ADAM17: variants seen among roughly 807,000 people sequenced by gnomAD.
The protein encoded by ADAM17 is ADAM metallopeptidase domain 17, also known as disintegrin and metalloproteinase domain-containing protein 17.
In ADAM17, 39 loss-of-function variants were observed where a neutral mutation model predicts 96.7. That is an observed-to-expected ratio of 0.40 (90% CI 0.31 to 0.53). The LOEUF (loss-of-function observed/expected upper bound fraction) is 0.53, where lower values mean the gene tolerates loss of function less well. Among genes scored for constraint, ADAM17 ranks in the 20% least tolerant of loss-of-function variants. ADAM17 has a pLI of 0.44. For missense variants in ADAM17, 777 were observed against 1,013.2 expected (o/e 0.77, Z 3.17); for synonymous variants, 344 against 359.2 (o/e 0.96, Z 0.48).
rs749050766 is a variant in ADAM17 at position 9,493,810 on chromosome 2, G to A, written c.1930C>T (p.Arg644Ter). The change falls in exon 16 of 19, where the codon CGA becomes TGA. Residue 644 changes from arginine (R) to a stop codon, truncating the protein, a stop_gained. Coordinates refer to ENST00000310823, the MANE Select transcript of ADAM17 (RefSeq NM_003183.6). LOFTEE classifies it high-confidence loss of function. ...AATCGTTCAATTACATCCTGTACTC[G>A]TTTCTCACATTTGCCCTATGAAGAA... is the stretch of plus-strand genomic sequence containing the variant. Reference protein sequence around the residue: ...FCDMNGKCEKRVQDVIERFWD... With the variant: ...FCDMNGKCEK 6.8e-6 allele frequency: 11 copies of A among 1,613,736 alleles called. No individual in the cohort carries two copies. The highest frequency in any genetic ancestry group is 9.3e-6 in the Non-Finnish European group (11 of 1,179,844).
At chr2:9,555,116 T>C (rs1355951927) in intron 1 of ADAM17, among the ~76,000 whole-genome samples, 2 of 152,148 alleles carry the variant, frequency 1.3e-5, no homozygotes, top group Non-Finnish European at 2.9e-5. Context: ...CCTTCCTTTC[T>C]GGCTCTGGTA....
At chr2:9,517,517 C>T (rs560103690) in intron 10 of ADAM17, among the ~76,000 whole-genome samples, 1 of 152,288 alleles carries the variant, frequency 6.6e-6, no homozygotes, top group South Asian at 2.1e-4. Flanking sequence ...AGATACACTA[C>T]ACCAAAATGA....
intron 10 of ADAM17, among the ~76,000 whole-genome samples, chr2:9,511,659 T>C (rs1663751458): frequency 6.6e-6 from 1 of 152,132 alleles, no homozygotes; most frequent in African/African-American, 2.4e-5. Context: ...TTTTTTTCCA[T>C]ATTTATCTGA....
intron 4 of ADAM17, among the ~76,000 whole-genome samples, chr2:9,529,902 C>G (rs1044017572): frequency 2.0e-5 from 3 of 151,728 alleles, no homozygotes; most frequent in Non-Finnish European, 4.4e-5. Context: ...ACCCAGGAGG[C>G]AGAGGTTGCA....
At chr2:9,491,247 C>T in intron 17 of ADAM17, 96 bp from the exon 18 acceptor site, 1 of 1,142,136 alleles carries the variant, frequency 8.8e-7, no homozygotes, top group Non-Finnish European at 1.3e-6. Flanking sequence ...AACTGAAGAA[C>T]TTAGAACCTG....
intron 7 of ADAM17, among the ~76,000 whole-genome samples, chr2:9,522,713 G>A (rs1009236407): frequency 1.3e-5 from 2 of 152,036 alleles, no homozygotes; most frequent in African/African-American, 2.4e-5. Context: ...TTTTTAATTA[G>A]TCCTAGCAAT....
chr2:9,500,398 G>A (rs535252601), intron 13 of ADAM17, among the ~76,000 whole-genome samples: 2 of 152,342 alleles, frequency 1.3e-5, no homozygotes, highest in Non-Finnish European at 2.9e-5. Context: ...GCTCTGAGTT[G>A]TGGGGAATGG....
At chr2:9,532,909 A>G (rs1664805372) in intron 4 of ADAM17, among the ~76,000 whole-genome samples, 1 of 152,178 alleles carries the variant, frequency 6.6e-6, no homozygotes, top group Admixed American at 6.5e-5. Context: ...TGAGTAATCT[A>G]GCTGGGCGTG....
At chr2:9,553,350 C>T (rs1665638760) in intron 1 of ADAM17, among the ~76,000 whole-genome samples, 1 of 151,274 alleles carries the variant, frequency 6.6e-6, no homozygotes, top group African/African-American at 2.4e-5. Context: ...ACGTATAATA[C>T]TTGTGTGTCC....
intron 10 of ADAM17, among the ~76,000 whole-genome samples, chr2:9,517,632 G>A (rs1165340666): frequency 6.6e-6 from 1 of 152,154 alleles, no homozygotes; most frequent in Non-Finnish European, 1.5e-5. Flanking sequence ...AGCTCTAAGA[G>A]TTGCTGCAGG....
At chr2:9,508,200 C>T (rs1298298985) in intron 11 of ADAM17, among the ~76,000 whole-genome samples, 2 of 152,214 alleles carry the variant, frequency 1.3e-5, no homozygotes, top group Non-Finnish European at 2.9e-5. Context: ...TAGCCACCAA[C>T]CATATGTGGC....
In ADAM17 at chr2:9,490,073, C is replaced by G. The variant is rs1483788186; in HGVS notation, c.*104G>C. 1 of 1,116,446 alleles carries G rather than the reference C, an allele frequency of 9.0e-7. No individual in the cohort carries two copies. Among genetic ancestry groups the G allele is most frequent in the Non-Finnish European group, 1.3e-6 (1 of 798,006 alleles). 69.2% of individuals were successfully genotyped at this position (1,116,446 alleles called of 1,614,324 possible). A position where few individuals can be genotyped will look rare whatever the true frequency, so the allele number is the denominator to read the frequency against. On this transcript the variant is annotated 3_prime_UTR_variant, in exon 19 of 19. Transcript: ENST00000310823. ...AGTTCAAACACATGACCAGCATCTG[C>G]TAAGTCACTTCCCAGTCTTCACAAA...
At chr2:9,548,482 TA>T (rs754054511) in intron 1 of ADAM17, among the ~76,000 whole-genome samples, 467 of 138,352 alleles carry the variant, frequency 3.4e-3, no homozygotes, top group Admixed American at 3.3e-3. Context: ...TCACTGTGAT[TA>T]AAAAAAAAAA....
chr2:9,504,082 T>G (rs1663210974), intron 12 of ADAM17, among the ~76,000 whole-genome samples: 1 of 150,908 alleles, frequency 6.6e-6, no homozygotes, highest in African/African-American at 2.4e-5. Flanking sequence ...GCCTGGGAGG[T>G]TGAGGCTGCA....
intron 1 of ADAM17, among the ~76,000 whole-genome samples, chr2:9,543,781 G>A (rs1018552628): frequency 6.6e-6 from 1 of 152,106 alleles, no homozygotes; most frequent in African/African-American, 2.4e-5. Context: ...AAGTGGGAGT[G>A]GTGGAGATGA....
At chr2:9,533,874 A>G (rs1482522881) in intron 4 of ADAM17, among the ~76,000 whole-genome samples, 1 of 152,194 alleles carries the variant, frequency 6.6e-6, no homozygotes, top group Non-Finnish European at 1.5e-5. Flanking sequence ...GGAGAGTAAG[A>G]AAAAACTTTG....
At chr2:9,537,471 C>T (rs974256192) in intron 2 of ADAM17, among the ~76,000 whole-genome samples, 3 of 152,202 alleles carry the variant, frequency 2.0e-5, no homozygotes, top group Non-Finnish European at 2.9e-5. Context: ...TAGTGGCTCA[C>T]GCCTGTAATC....
chr2:9,550,631 A>G (rs975675914), intron 1 of ADAM17, among the ~76,000 whole-genome samples: 1 of 151,476 alleles, frequency 6.6e-6, no homozygotes, highest in Non-Finnish European at 1.5e-5. Context: ...TTTTTAGTAG[A>G]GACAGGTTTC....
At position 9,505,179 on chromosome 2, in the gene ADAM17, C is replaced by T. The variant is rs554069834; in HGVS notation, c.1531G>A (p.Gly511Ser). 1.1e-4 allele frequency: 185 copies of T among 1,614,222 alleles called. No individual in the cohort carries two copies. Among genetic ancestry groups the T allele is most frequent in the Non-Finnish European group, 1.5e-4 (180 of 1,180,042 alleles). Residue 511 changes from glycine (G) to serine (S), a missense_variant, in exon 12 of 19, where the codon GGT becomes AGT. Transcript: ENST00000310823. ...GAGACTCCTCACCTGCACTGGACAC[C>T]TTCCTTCAACGTGCAGTCGCTGTTG... ...CCNSDCTLKEGVQCSDRNSPC... is the reference protein window; with the variant it reads ...CCNSDCTLKESVQCSDRNSPC...
Sources: allele counts gnomAD v4.1 joint callset (sites outside exome capture counted in the v4.1 genomes callset), GRCh38; gene constraint gnomAD v4.1.1; transcripts MANE v1.5; gene names NCBI Gene and HGNC (gene_info 2026-07-23, HGNC 2026-07-21).